Variants in TGFB2 observed in about 807,000 individuals in gnomAD.
TGFB2 encodes transforming growth factor beta-2 proprotein.
In TGFB2, 13 loss-of-function variants were observed where a neutral mutation model predicts 42.7. The observed-to-expected ratio is 0.30, with a 90% confidence interval of 0.20 to 0.48. The LOEUF (loss-of-function observed/expected upper bound fraction) is 0.48. TGFB2 is among the 20% of genes least tolerant of loss of function. The pLI is 0.99. For missense variants in TGFB2, 390 were observed against 517.5 expected, an observed-to-expected ratio of 0.75 and a Z score of 2.39; for synonymous variants, 193 against 193.6, an observed-to-expected ratio of 1.00 and a Z score of 0.03.
intron 2 of TGFB2, among the ~76,000 whole-genome samples, chr1:218,428,748 A>T (rs1024989374): frequency 6.6e-6 from 1 of 152,072 alleles, no homozygotes; most frequent in African/African-American, 2.4e-5. Context: ...GCCTTGTAGT[A>T]TAGTTTGAAG....
chr1:218,389,729 A>G lies in TGFB2; in HGVS notation c.347-15440A>G, dbSNP rs1466852790. The stretch of plus-strand genomic sequence containing the variant: ...TGGTAACCTTTCAGGCACTACACAC[A>G]TAGAAGCTGAATTAAGGTATTCAGA... On this transcript the variant is annotated intron_variant, in intron 1 of 6. Transcript: ENST00000366930. Among the ~76,000 whole-genome samples the G allele has an allele frequency of 2.6e-5, 4 of 152,250 alleles. No individual in the cohort carries two copies. In the East Asian group the frequency reaches 7.7e-4, roughly 29 times the overall value.
intron 1 of TGFB2, among the ~76,000 whole-genome samples, chr1:218,395,113 G>T (rs1367984650): frequency 6.6e-6 from 1 of 152,122 alleles, no homozygotes; most frequent in African/African-American, 2.4e-5. Flanking sequence ...AAATGAGGGG[G>T]TTTGTTCTCT....
chr1:218,426,925 G>A (rs1450257981), intron 2 of TGFB2, among the ~76,000 whole-genome samples: 1 of 152,020 alleles, frequency 6.6e-6, no homozygotes, highest in Non-Finnish European at 1.5e-5. Flanking sequence ...ATGTCATTTT[G>A]TTTTGTATAA....
intron 4 of TGFB2, 109 bp from the exon 5 acceptor site, chr1:218,435,861 T>C (rs781358821): frequency 7.3e-6 from 8 of 1,094,194 alleles, no homozygotes; most frequent in Admixed American, 2.3e-5. Flanking sequence ...GATGCTGCTT[T>C]GGTGGTCATC....
At chr1:218,382,712 A>G (rs1658004729) in intron 1 of TGFB2, among the ~76,000 whole-genome samples, 1 of 152,218 alleles carries the variant, frequency 6.6e-6, no homozygotes, top group African/African-American at 2.4e-5. Context: ...TTGAAATCTT[A>G]AAGTAGAAGA....
intron 2 of TGFB2, among the ~76,000 whole-genome samples, chr1:218,415,848 A>T (rs1439055539): frequency 3.3e-5 from 5 of 151,640 alleles, no homozygotes; most frequent in African/African-American, 4.9e-5. Flanking sequence ...AGTTCCTGTG[A>T]GGAGAATGCC....
In TGFB2 at chr1:218,360,477, C is replaced by T. The variant is rs115337338; in HGVS notation, c.346+13430C>T. Among the ~76,000 whole-genome samples, 1,299 of 152,152 alleles carry T rather than the reference C, an allele frequency of 8.5e-3. 20 individuals are homozygous for T. The highest frequency in any genetic ancestry group is 0.03 in the African/African-American group (1,226 of 41,484). On this transcript the variant is annotated intron_variant, in intron 1 of 6. Transcript: ENST00000366930. ...AAAAATATCAGGTTTCTCACATGCA[C>T]GTAGTGAGGGGAACAACACACACTG...
rs112758610 is a variant in TGFB2, at chr1:218,427,559, C to A, written c.511-6523C>A. On this transcript the variant is annotated intron_variant, in intron 2 of 6. Transcript: ENST00000366930. ...TCCAAGTGTTCTCATTGTTCAATTC[C>A]CACCTATGAGTGAGAACATGCGGTG... 4.6e-5 allele frequency among the ~76,000 whole-genome samples: 7 copies of A among 152,208 alleles called. 1 individual carries two copies. Among genetic ancestry groups the A allele is most frequent in the African/African-American group, 1.7e-4 (7 of 41,524 alleles).
At chr1:218,435,788 C>T (rs945516160) in intron 4 of TGFB2, among the ~76,000 whole-genome samples, 182 bp from the exon 5 acceptor site, 4 of 152,288 alleles carry the variant, frequency 2.6e-5, no homozygotes, top group South Asian at 2.1e-4. Flanking sequence ...TTAATTGTCA[C>T]GTGGGTTAGT....
chr1:218,394,597 GC>G (rs1335868021), intron 1 of TGFB2, among the ~76,000 whole-genome samples: 1 of 152,048 alleles, frequency 6.6e-6, no homozygotes, highest in Non-Finnish European at 1.5e-5. Context: ...ACTCACCATT[GC>G]CAACAGCTCG....
chr1:218,376,591 T>C (rs1463207217), intron 1 of TGFB2, among the ~76,000 whole-genome samples: 1 of 152,162 alleles, frequency 6.6e-6, no homozygotes. Flanking sequence ...TCCAGTTCCA[T>C]AGCACCGGGC....
intron 5 of TGFB2, among the ~76,000 whole-genome samples, chr1:218,436,884 A>G (rs191076061): frequency 6.6e-6 from 1 of 152,354 alleles, no homozygotes; most frequent in African/African-American, 2.4e-5. Flanking sequence ...ACATGTGGTG[A>G]AACAAAGGAT....
chr1:218,425,117 A>T (rs759294302), intron 2 of TGFB2, among the ~76,000 whole-genome samples: 20 of 152,234 alleles, frequency 1.3e-4, no homozygotes, highest in Non-Finnish European at 2.4e-4. Flanking sequence ...ACTGGTATTA[A>T]GAGGGAAAGA....
chr1:218,379,487 C>CTTT (rs59224313), intron 1 of TGFB2, among the ~76,000 whole-genome samples: 26,789 of 133,242 alleles, frequency 0.2, 2,824 homozygotes, highest in East Asian at 0.33. Context: ...TTCTTTCTTT[C>CTTT]TTTTTTTTTT....
At position 218,347,062 on chromosome 1, in the gene TGFB2, T is replaced by G; in HGVS notation, c.346+15T>G. The G allele has an allele frequency of 1.3e-6, 2 of 1,556,122 alleles. No homozygotes were observed. The highest frequency in any genetic ancestry group is 1.7e-6 in the Non-Finnish European group (2 of 1,149,836). ...CCCCTCCGAAAGTAAGTACTTATTT[T>G]GACTTCCATCCCCTGAGGTTTAGCT... On this transcript the variant is annotated intron_variant, in intron 1 of 6. Transcript: ENST00000366930.
At chr1:218,411,603 C>T (rs1257371676) in intron 2 of TGFB2, among the ~76,000 whole-genome samples, 2 of 152,188 alleles carry the variant, frequency 1.3e-5, no homozygotes, top group Non-Finnish European at 2.9e-5. Context: ...GGCATGGTGG[C>T]TTACGCATGT....
chr1:218,434,475 G>A (rs748386982), intron 4 of TGFB2, 27 bp downstream of exon 4: 5 of 1,430,828 alleles, frequency 3.5e-6, no homozygotes, highest in African/African-American at 1.4e-5. Context: ...CATATGAGGT[G>A]GGGGAGGGAA....
chr1:218,392,166 A>G (rs148415801), intron 1 of TGFB2, among the ~76,000 whole-genome samples: 118 of 152,286 alleles, frequency 7.7e-4, no homozygotes, highest in African/African-American at 2.7e-3. Context: ...CCTGGCCAAT[A>G]CGTGAAACCC....
At chr1:218,354,871 C>T (rs1249634287) in intron 1 of TGFB2, among the ~76,000 whole-genome samples, 2 of 152,096 alleles carry the variant, frequency 1.3e-5, no homozygotes, top group African/African-American at 2.4e-5. Flanking sequence ...TTAATTGATA[C>T]AAAAAGTGTG....
Sources: allele counts gnomAD v4.1 joint callset (sites outside exome capture counted in the v4.1 genomes callset), GRCh38; gene constraint gnomAD v4.1.1; transcripts MANE v1.5; gene names NCBI Gene and HGNC (gene_info 2026-07-23, HGNC 2026-07-21).